CLTCL1: variants seen among roughly 807,000 people sequenced by gnomAD.
The protein encoded by CLTCL1 is clathrin heavy chain 2.
Under a neutral mutation model 190.0 loss-of-function variants are expected in CLTCL1, and 159 were observed. That is an observed-to-expected ratio of 0.84 (90% CI 0.74 to 0.95). CLTCL1 has a LOEUF of 0.95. Ranked by LOEUF, CLTCL1 falls within the 40% of genes least tolerant of loss-of-function variation. CLTCL1 has a pLI of 0.00. For missense variants in CLTCL1, 1,878 were observed against 2,033.4 expected (o/e 0.92, Z 1.47); for synonymous variants, 752 against 769.6 (o/e 0.98, Z 0.38).
At chr22:19,273,055 C>G (rs11703501) in intron 2 of CLTCL1, among the ~76,000 whole-genome samples, 9,048 of 152,210 alleles carry the variant, frequency 0.059, 329 homozygotes, top group Middle Eastern at 0.15. Context: ...CACCCCCCCA[C>G]ACACCCTGTA....
chr22:19,221,691 G>A (rs1198751141), intron 16 of CLTCL1, 80 bp from the exon 17 acceptor site: 12 of 1,272,418 alleles, frequency 9.4e-6, no homozygotes, highest in Non-Finnish European at 1.3e-5. Flanking sequence ...TCTGACAGAT[G>A]TTTCCTGAAA....
intron 13 of CLTCL1, among the ~76,000 whole-genome samples, chr22:19,224,536 T>C (rs2085678147): frequency 6.6e-6 from 1 of 152,174 alleles, no homozygotes; most frequent in Admixed American, 6.5e-5. Context: ...CAGAGGCTAA[T>C]GATGTTCCTC....
intron 2 of CLTCL1, chr22:19,258,688 T>C (rs2086846224): frequency 1.0e-5 from 7 of 669,856 alleles, no homozygotes; most frequent in South Asian, 1.0e-4. Flanking sequence ...GACTTCAATC[T>C]TGGTGAGGCC....
intron 19 of CLTCL1, among the ~76,000 whole-genome samples, chr22:19,214,923 C>T (rs5746687): frequency 3.3e-5 from 5 of 152,190 alleles, no homozygotes; most frequent in Non-Finnish European, 7.3e-5. Flanking sequence ...TCCCAAAGTG[C>T]TGGGATTACA....
chr22:19,233,066 G>C, intron 9 of CLTCL1, 100 bp downstream of exon 9: 2 of 1,278,622 alleles, frequency 1.6e-6, no homozygotes, highest in Non-Finnish European at 2.2e-6. Flanking sequence ...TCTCACACCA[G>C]AGGACTTACA....
At chr22:19,216,860 A>T (rs566002868) in intron 18 of CLTCL1, among the ~76,000 whole-genome samples, 4 of 152,252 alleles carry the variant, frequency 2.6e-5, no homozygotes, top group Admixed American at 6.5e-5. Context: ...TTGGAACGCC[A>T]GCACTGTTCT....
At chr22:19,253,699 A>G (rs1287301159) in intron 3 of CLTCL1, among the ~76,000 whole-genome samples, 1 of 149,940 alleles carries the variant, frequency 6.7e-6, no homozygotes, top group Non-Finnish European at 1.5e-5. Flanking sequence ...TTATACCTAT[A>G]ACCAACTTTT....
chr22:19,272,752 G>A (rs945196019), intron 2 of CLTCL1, among the ~76,000 whole-genome samples: 3 of 152,118 alleles, frequency 2.0e-5, no homozygotes, highest in South Asian at 2.1e-4. Context: ...GATTACAGGC[G>A]TGAGCCACCA....
intron 2 of CLTCL1, among the ~76,000 whole-genome samples, chr22:19,271,935 C>A (rs1387514349): frequency 6.6e-6 from 1 of 152,006 alleles, no homozygotes; most frequent in African/African-American, 2.4e-5. Context: ...AGTCAGATAC[C>A]ATCTCTACAA....
At position 19,216,115 on chromosome 22, in the gene CLTCL1, G is replaced by A. The variant is rs201131419; in HGVS notation, c.3061C>T (p.His1021Tyr). The change falls in exon 19 of 33, where the codon CAC becomes TAC. Residue 1021 changes from histidine (H) to tyrosine (Y), a missense_variant. His to Tyr is a moderately conservative substitution (Grantham distance 83). Coordinates refer to ENST00000427926, the MANE Select transcript of CLTCL1 (RefSeq NM_007098.4). ...CTACCCCTGGCATAGCCTCACCTGT[G>A]CTCGCTGAAGACAGAGTTATCCAGA... ...IVLDNSVFSE[H>Y]RNLQNLLILT... The A allele has an allele frequency of 5.8e-5, 94 of 1,613,538 alleles. No individual in the cohort carries two copies. In the African/African-American group the frequency reaches 1.1e-3, roughly 19 times the overall value.
rs569955029 is a variant in CLTCL1, at chr22:19,286,688, CT to C, written c.42+4911del. 2.2e-4 allele frequency among the ~76,000 whole-genome samples: 34 copies of C among 152,304 alleles called. 2 individuals carry two copies. The South Asian group carries it at 7.0e-3, about 32-fold the overall frequency. On this transcript the variant is annotated intron_variant, in intron 1 of 32. Transcript: ENST00000427926. ...CACCTTCACAGTTTTACTTTCCCCCCTCTTTCCTTAATGATTAATATTGACT... is the reference window on the plus strand; with the variant it reads ...CACCTTCACAGTTTTACTTTCCCCCCCTTTCCTTAATGATTAATATTGACT...
chr22:19,193,904 G>C (rs936642516), intron 26 of CLTCL1, among the ~76,000 whole-genome samples: 9 of 152,332 alleles, frequency 5.9e-5, no homozygotes, highest in African/African-American at 2.2e-4. Flanking sequence ...GTGAGCAGCA[G>C]CAAGACTGAT....
intron 3 of CLTCL1, among the ~76,000 whole-genome samples, chr22:19,253,438 T>G (rs1555971053): frequency 6.6e-6 from 1 of 152,194 alleles, no homozygotes; most frequent in Non-Finnish European, 1.5e-5. Flanking sequence ...TGGGACGCAG[T>G]GGGCAGGATG....
intron 23 of CLTCL1, among the ~76,000 whole-genome samples, 167 bp from the exon 24 acceptor site, chr22:19,200,008 G>C (rs1407613984): frequency 1.3e-5 from 2 of 149,522 alleles, no homozygotes; most frequent in African/African-American, 2.4e-5. Flanking sequence ...AAGACTGGGA[G>C]AAAAAATATG....
At chr22:19,288,715 G>A (rs1209942151) in intron 1 of CLTCL1, among the ~76,000 whole-genome samples, 5 of 152,224 alleles carry the variant, frequency 3.3e-5, no homozygotes, top group African/African-American at 1.2e-4. Context: ...CGGATGGCTT[G>A]GGAACATCAA....
At chr22:19,229,814 G>A (rs527552492) in intron 11 of CLTCL1, 24 bp downstream of exon 11, 39 of 1,578,502 alleles carry the variant, frequency 2.5e-5, no homozygotes, top group Non-Finnish European at 2.9e-5. Context: ...TCTGCCTCTC[G>A]GTGTTAGCCT....
intron 10 of CLTCL1, among the ~76,000 whole-genome samples, chr22:19,230,909 C>T (rs542324838): frequency 1.4e-4 from 21 of 152,106 alleles, no homozygotes; most frequent in Non-Finnish European, 2.6e-4. Flanking sequence ...ACCATCTAAT[C>T]GGCTGGGGGC....
At chr22:19,272,033 C>T (rs2059057439) in intron 2 of CLTCL1, among the ~76,000 whole-genome samples, 1 of 152,150 alleles carries the variant, frequency 6.6e-6, no homozygotes, top group African/African-American at 2.4e-5. Flanking sequence ...CGTTTGAGCC[C>T]AGGAGTTCAA....
rs551764915 is a variant in CLTCL1, at chr22:19,280,480, C to T, written c.43-4650G>A. Among the ~76,000 whole-genome samples, 14 of 152,062 alleles carry T rather than the reference C, an allele frequency of 9.2e-5. 1 individual carries two copies. Among genetic ancestry groups the T allele is most frequent in the Admixed American group, 3.3e-4 (5 of 15,274 alleles). ...GCCTTAAAAAGGAAGGAAATTCTGA[C>T]ACATGCTACAACATGAATGAACCTT... is the stretch of plus-strand genomic sequence containing the variant. On this transcript the variant is annotated intron_variant, in intron 1 of 32. Transcript: ENST00000427926.
Sources: allele counts gnomAD v4.1 joint callset (sites outside exome capture counted in the v4.1 genomes callset), GRCh38; gene constraint gnomAD v4.1.1; transcripts MANE v1.5; gene names NCBI Gene and HGNC (gene_info 2026-07-23, HGNC 2026-07-21).